The following RRP15 variants were observed in gnomAD, a reference collection of about 807,000 sequenced individuals.
The protein encoded by RRP15 is RRP15-like protein.
In RRP15, 18 loss-of-function variants were observed where a neutral mutation model predicts 27.1. That is an observed-to-expected ratio of 0.66 (90% CI 0.46 to 0.98). The LOEUF is 0.98. RRP15 is among the 50% of genes least tolerant of loss of function. The pLI, the probability that RRP15 is intolerant of heterozygous loss-of-function variation, is 0.00. For missense variants in RRP15, 359 were observed against 337.8 expected, an observed-to-expected ratio of 1.06 and a Z score of -0.49; for synonymous variants, 107 against 109.4, an observed-to-expected ratio of 0.98 and a Z score of 0.14.
chr1:218,337,385 G>A lies in RRP15; in HGVS notation c.*6294G>A, dbSNP rs1409530119. ...AGATTCTGATGACAGAAAATGCTGT[G>A]TGAACAGTATTATATAGAATTGTTT... On this transcript the variant is annotated 3_prime_UTR_variant, in exon 5 of 5. Transcript: ENST00000366932. 3.9e-5 allele frequency: 6 copies of A among 152,202 alleles called. No homozygotes were observed. The highest frequency in any genetic ancestry group is 8.8e-5 in the Non-Finnish European group (6 of 68,032). The allele number at this position is 152,202 out of a possible 1,614,324, so 9.4% of individuals were successfully genotyped here.
Position 218,327,956 on chromosome 1 carries a change from C to T in RRP15, c.706-2992C>T, listed in dbSNP as rs1383432144. ...ATAAATAATTATCTTTAACATGCAC[C>T]GGAATCACTGACTGGCTTATAAAAA... On this transcript the variant is annotated intron_variant, in intron 4 of 4. Coordinates refer to ENST00000366932, the MANE Select transcript of RRP15 (RefSeq NM_016052.4). Among the ~76,000 whole-genome samples the T allele has an allele frequency of 3.3e-5, 5 of 152,260 alleles. No homozygotes were observed. In the South Asian group the frequency reaches 6.2e-4, roughly 19 times the overall value.
intron 3 of RRP15, among the ~76,000 whole-genome samples, chr1:218,306,436 T>A (rs1655899998): frequency 6.6e-6 from 1 of 152,080 alleles, no homozygotes; most frequent in African/African-American, 2.4e-5. Flanking sequence ...TGTTACCTCA[T>A]CCCTCAAGGT....
At position 218,299,578 on chromosome 1, in the gene RRP15, A is replaced by C. The variant is rs186459525; in HGVS notation, c.140-2716A>C. The stretch of plus-strand genomic sequence containing the variant: ...ATTTGTGTGTGAATACATCAGGACA[A>C]AACACTAGATGTCAGTGTTGCAGTT... On this transcript the variant is annotated intron_variant, in intron 1 of 4. Coordinates refer to ENST00000366932, the MANE Select transcript of RRP15 (RefSeq NM_016052.4). Among the ~76,000 whole-genome samples the C allele has an allele frequency of 1.2e-3, 188 of 152,286 alleles. 2 individuals carry two copies. Among genetic ancestry groups the C allele is most frequent in the East Asian group, 1.2e-3 (6 of 5,172 alleles).
intron 1 of RRP15, among the ~76,000 whole-genome samples, chr1:218,294,975 G>T (rs1439505383): frequency 6.6e-6 from 1 of 152,168 alleles, no homozygotes; most frequent in East Asian, 1.9e-4. Context: ...ATATATAAAT[G>T]ACAAGTGTTA....
Position 218,331,141 on chromosome 1 carries a change from A to G in RRP15, c.*50A>G. 2.0e-6 allele frequency: 3 copies of G among 1,531,216 alleles called. No homozygotes were observed. Among genetic ancestry groups the G allele is most frequent in the Non-Finnish European group, 1.8e-6 (2 of 1,124,162 alleles). The allele number at this position is 1,531,216 out of a possible 1,614,324, so 94.9% of individuals were successfully genotyped here. ...GTCGTTTTATTTTTTCTAGAAAAAT[A>G]TGTCATCCTCTGATAGTTGGGGAAT... On this transcript the variant is annotated 3_prime_UTR_variant, in exon 5 of 5. Transcript: ENST00000366932.
intron 1 of RRP15, among the ~76,000 whole-genome samples, chr1:218,293,015 AC>A (rs1436171219): frequency 6.6e-6 from 1 of 151,182 alleles, no homozygotes; most frequent in African/African-American, 2.4e-5. Flanking sequence ...TTATTTTAAA[AC>A]TTTTTTTTCT....
chr1:218,309,038 A>G (rs1281838183), intron 4 of RRP15, among the ~76,000 whole-genome samples: 2 of 152,206 alleles, frequency 1.3e-5, no homozygotes, highest in Non-Finnish European at 1.5e-5. Flanking sequence ...TTATGAAAAT[A>G]CACAACAGAT....
intron 4 of RRP15, 115 bp downstream of exon 4, chr1:218,307,747 T>C (rs1472882896): frequency 1.4e-6 from 1 of 739,020 alleles, no homozygotes; most frequent in East Asian, 2.7e-5. Flanking sequence ...CTAAATTTTA[T>C]TAAAATTCCT....
chr1:218,302,758 T>C (rs920942072), intron 2 of RRP15, 199 bp downstream of exon 2: 2 of 737,980 alleles, frequency 2.7e-6, no homozygotes, highest in Admixed American at 6.6e-5. Context: ...TTTAATCATC[T>C]ATGCAAAGGC....
chr1:218,302,493 C>G lies in RRP15; in HGVS notation c.339C>G (p.Val113=), dbSNP rs1245898064. 4 of 1,613,614 alleles carry G rather than the reference C, an allele frequency of 2.5e-6. No homozygotes were observed. The highest frequency in any genetic ancestry group is 2.2e-5 in the East Asian group (1 of 44,874). Reference sequence around the variant, plus strand: ...CTGAAAGTAAACCTACTATTCTGGTCAAAAATAAGAAGCTGGAAAAGGAAA... The same window carrying G: ...CTGAAAGTAAACCTACTATTCTGGTGAAAAATAAGAAGCTGGAAAAGGAAA... The part of the protein sequence containing the change: ...KTPESKPTIL[V]KNKKLEKEKE... Residue 113 remains valine (V), a synonymous_variant, in exon 2 of 5, where the codon GTC becomes GTG. Transcript: ENST00000366932.
chr1:218,326,302 A>G (rs1452309927), intron 4 of RRP15, among the ~76,000 whole-genome samples: 16 of 152,214 alleles, frequency 1.1e-4, no homozygotes. Flanking sequence ...GTGAAACTTC[A>G]TCTCAAAAAT....
At chr1:218,297,017 A>G (rs137955872) in intron 1 of RRP15, among the ~76,000 whole-genome samples, 196 of 152,224 alleles carry the variant, frequency 1.3e-3, no homozygotes, top group African/African-American at 4.4e-3. Flanking sequence ...AGTGCCTACT[A>G]TTGTGCCAGG....
chr1:218,318,223 G>A (rs994442072), intron 4 of RRP15, among the ~76,000 whole-genome samples: 3 of 151,726 alleles, frequency 2.0e-5, no homozygotes, highest in Admixed American at 1.3e-4. Flanking sequence ...CATGTGCCCC[G>A]AAGATTCTCT....
rs1000084257 is a variant in RRP15 at position 218,334,567 on chromosome 1, A to G, written c.*3476A>G. The G allele has an allele frequency of 6.6e-6, 1 of 152,176 alleles. No individual in the cohort carries two copies. The highest frequency in any genetic ancestry group is 2.4e-5 in the African/African-American group (1 of 41,460). The allele number at this position is 152,176 out of a possible 1,614,324, so 9.4% of individuals were successfully genotyped here. A position where few individuals can be genotyped will look rare whatever the true frequency, so the allele number is the denominator to read the frequency against. On this transcript the variant is annotated 3_prime_UTR_variant, in exon 5 of 5. Transcript: ENST00000366932. ...GAGCTGTGAATATTATAATTTGTCA[A>G]TACTTTATTGATAATGTTAACTTTG...
At chr1:218,325,672 T>C (rs1027164705) in intron 4 of RRP15, among the ~76,000 whole-genome samples, 12 of 152,204 alleles carry the variant, frequency 7.9e-5, no homozygotes, top group African/African-American at 2.9e-4. Context: ...TCCTGAAGTT[T>C]TACAATAATA....
rs182216928 is a variant in RRP15 at position 218,305,029 on chromosome 1, G to A, written c.407G>A (p.Arg136His). ...CACATAACAATATTTATAACGCAGC[G>A]TGATAAGAGGCTGGAGTGGGAAATG... ...KQERLEKIKQ[R>H]DKRLEWEMMC... Residue 136 changes from arginine (R) to histidine (H), a missense_variant and splice_region_variant, in exon 3 of 5, where the codon CGT (arginine) becomes CAT (histidine). By Grantham distance (29) the Arg-to-His change is conservative. Transcript: ENST00000366932. 7.3e-5 allele frequency: 118 copies of A among 1,612,410 alleles called. No individual in the cohort carries two copies. The highest frequency in any genetic ancestry group is 8.3e-5 in the Non-Finnish European group (98 of 1,178,778).
At chr1:218,304,596 C>A (rs1655866638) in intron 2 of RRP15, among the ~76,000 whole-genome samples, 1 of 152,224 alleles carries the variant, frequency 6.6e-6, no homozygotes, top group Non-Finnish European at 1.5e-5. Context: ...AAAGCTGATA[C>A]ATTTTCTTAA....
At chr1:218,291,721 G>A (rs969442151) in intron 1 of RRP15, among the ~76,000 whole-genome samples, 16 of 151,620 alleles carry the variant, frequency 1.1e-4, no homozygotes, top group Admixed American at 3.9e-4. Context: ...TAGTAGAGAC[G>A]GGGTTTCAAC....
At chr1:218,305,366 C>T (rs888348125) in intron 3 of RRP15, among the ~76,000 whole-genome samples, 5 of 152,148 alleles carry the variant, frequency 3.3e-5, no homozygotes, top group South Asian at 2.1e-4. Context: ...TTTATAGTCA[C>T]GAGAACTGTG....
Sources: gnomAD v4.1 joint callset for allele counts (sites outside exome capture counted in the v4.1 genomes callset) on GRCh38, gnomAD v4.1.1 for gene constraint, MANE v1.5 for transcripts, NCBI Gene and HGNC (gene_info 2026-07-23, HGNC 2026-07-21) for gene names.